The following TMEM132B variants were observed in gnomAD, a reference collection of about 807,000 sequenced individuals.
The protein encoded by TMEM132B is transmembrane protein 132B.
In TMEM132B, 18 loss-of-function variants were observed where a neutral mutation model predicts 90.8. The observed-to-expected ratio is 0.20, with a 90% confidence interval of 0.14 to 0.29. TMEM132B has a LOEUF of 0.29. TMEM132B is among the 10% of genes least tolerant of loss of function. The pLI, the probability that TMEM132B is intolerant of heterozygous loss-of-function variation, is 1.00. For missense variants in TMEM132B, 1,096 were observed against 1,326.8 expected (o/e 0.83, Z 2.70); for synonymous variants, 504 against 523.3 (o/e 0.96, Z 0.50).
Position 125,594,798 on chromosome 12 carries a change from C to T in TMEM132B, c.1437+10804C>T, listed in dbSNP as rs552057287. Reference sequence around the variant, plus strand: ...TTATCCAATATGTGATTTGAAAATACGTTATATTTGAAAATATGTTATTCC... The same window carrying T: ...TTATCCAATATGTGATTTGAAAATATGTTATATTTGAAAATATGTTATTCC... On this transcript the variant is annotated intron_variant, in intron 5 of 8. Coordinates refer to ENST00000682704, the MANE Select transcript of TMEM132B (RefSeq NM_001366854.1). 1.8e-4 allele frequency among the ~76,000 whole-genome samples: 28 copies of T among 151,938 alleles called. No homozygotes were observed. In the East Asian group the frequency reaches 4.3e-3, roughly 23 times the overall value.
chr12:125,497,008 A>C (rs1241454727), intron 3 of TMEM132B, among the ~76,000 whole-genome samples: 1 of 152,158 alleles, frequency 6.6e-6, no homozygotes, highest in Non-Finnish European at 1.5e-5. Context: ...ATGGTTGATG[A>C]AATGCACTGA....
rs953759637 is a variant in TMEM132B, at chr12:125,654,556, C to T, written c.3098C>T (p.Ser1033Phe). The change falls in exon 9 of 9, where the codon TCC (serine) becomes TTC (phenylalanine). Residue 1033 changes from serine to phenylalanine, a missense_variant. Transcript: ENST00000682704. This position sits in a 1 kb window ranked among gnomAD's most constrained non-coding sequence, Gnocchi z 5.8. ...GPKRKRVKFT[S>F]YTTILPEDGG... The stretch of plus-strand genomic sequence containing the variant: ...AAGAGGAAGAGAGTCAAGTTCACTT[C>T]CTACACCACCATCCTCCCAGAGGAC... The T allele has an allele frequency of 1.9e-6, 3 of 1,614,162 alleles. No individual in the cohort carries two copies. Among genetic ancestry groups the T allele is most frequent in the Non-Finnish European group, 1.7e-6 (2 of 1,180,034 alleles).
chr12:125,468,799 A>G (rs757141234), intron 3 of TMEM132B, among the ~76,000 whole-genome samples: 3 of 152,194 alleles, frequency 2.0e-5, no homozygotes, highest in Admixed American at 1.3e-4. Context: ...TTTTCTGCAT[A>G]CAATCCTCTA....
At chr12:125,222,054 T>G (rs922224274) in intron 1 of TMEM132B, among the ~76,000 whole-genome samples, 2 of 152,148 alleles carry the variant, frequency 1.3e-5, no homozygotes, top group Non-Finnish European at 2.9e-5. Flanking sequence ...TGTAAAATCT[T>G]CCCTTTGAGC....
At chr12:125,479,349 G>A (rs1274311956) in intron 3 of TMEM132B, among the ~76,000 whole-genome samples, 1 of 152,218 alleles carries the variant, frequency 6.6e-6, no homozygotes, top group Non-Finnish European at 1.5e-5. Flanking sequence ...CCATTAGTGT[G>A]CTGTATTTAG....
intron 1 of TMEM132B, among the ~76,000 whole-genome samples, chr12:125,243,301 G>A (rs544096345): frequency 3.4e-5 from 5 of 147,786 alleles, no homozygotes; most frequent in African/African-American, 1.2e-4. Context: ...CGCCACCATG[G>A]CTGGCTAATT....
chr12:125,266,183 C>G (rs567369248), intron 1 of TMEM132B, among the ~76,000 whole-genome samples: 3 of 152,096 alleles, frequency 2.0e-5, no homozygotes. Context: ...GAGCTGAGAT[C>G]GCGCCACTGC....
At chr12:125,217,250 A>T (rs1368420601) in intron 1 of TMEM132B, among the ~76,000 whole-genome samples, 1 of 152,156 alleles carries the variant, frequency 6.6e-6, no homozygotes. Flanking sequence ...AGTGGCAGCT[A>T]GGCAGGAGGG....
chr12:125,601,536 A>G (rs1028764095), intron 5 of TMEM132B, among the ~76,000 whole-genome samples: 1 of 152,204 alleles, frequency 6.6e-6, no homozygotes, highest in Non-Finnish European at 1.5e-5. Context: ...TCAACACCCT[A>G]ACATCACACT....
At chr12:125,530,920 T>C (rs1883627289) in intron 4 of TMEM132B, among the ~76,000 whole-genome samples, 1 of 152,246 alleles carries the variant, frequency 6.6e-6, no homozygotes, top group Non-Finnish European at 1.5e-5. Flanking sequence ...TAGCTCACTA[T>C]AGGTATAAGA....
At chr12:125,517,786 C>G (rs1165190224) in intron 3 of TMEM132B, among the ~76,000 whole-genome samples, 1 of 152,086 alleles carries the variant, frequency 6.6e-6, no homozygotes, top group African/African-American at 2.4e-5. Context: ...ATTTTTCAGA[C>G]AAGGAAGCTG....
At chr12:125,527,116 A>T (rs1226185143) in intron 4 of TMEM132B, among the ~76,000 whole-genome samples, 1 of 130,256 alleles carries the variant, frequency 7.7e-6, no homozygotes, top group Non-Finnish European at 1.6e-5. Context: ...CCACCCATCC[A>T]CACTTCCATC....
In TMEM132B at chr12:125,246,149, G is replaced by A. The variant is rs577022523; in HGVS notation, c.67+59283G>A. 1.3e-5 allele frequency among the ~76,000 whole-genome samples: 2 copies of A among 152,306 alleles called. No homozygotes were observed. Among genetic ancestry groups the A allele is most frequent in the African/African-American group, 2.4e-5 (1 of 41,580 alleles). ...GATCCAGTGATCCTGCTGGCTTTCC[G>A]CTTCATGACAGTGATAGCTCTCAGT... On this transcript the variant is annotated intron_variant, in intron 1 of 8. Coordinates refer to ENST00000682704, the MANE Select transcript of TMEM132B (RefSeq NM_001366854.1). This position sits in a 1 kb window ranked among gnomAD's most constrained non-coding sequence, Gnocchi z 4.2.
chr12:125,519,388 T>C (rs964998), intron 3 of TMEM132B, 51 bp from the exon 4 acceptor site: 1,107,911 of 1,512,064 alleles, frequency 0.73, 409,273 homozygotes, highest in East Asian at 0.93. Context: ...TCTTGACATT[T>C]TGCTGAGTCT....
At chr12:125,238,706 G>A (rs764730209) in intron 1 of TMEM132B, among the ~76,000 whole-genome samples, 6 of 152,030 alleles carry the variant, frequency 3.9e-5, no homozygotes, top group East Asian at 1.9e-4. Flanking sequence ...GGTCAGCACC[G>A]ACGTTTCACC....
chr12:125,278,434 T>C (rs10846855), intron 1 of TMEM132B, among the ~76,000 whole-genome samples: 23,823 of 151,618 alleles, frequency 0.16, 2,398 homozygotes, highest in African/African-American at 0.28. Flanking sequence ...AATTTAACTG[T>C]CAATCAAGGT....
chr12:125,642,870 A>C lies in TMEM132B; in HGVS notation c.1438-1206A>C, dbSNP rs577547417. The stretch of plus-strand genomic sequence containing the variant: ...CTCCTTGGTTTCCATGTCAAGCTAC[A>C]GTGTAGAGCTGTTGGGTGGCAAAAG... On this transcript the variant is annotated intron_variant, in intron 5 of 8. Transcript: ENST00000682704. 2.6e-5 allele frequency among the ~76,000 whole-genome samples: 4 copies of C among 152,320 alleles called. No homozygotes were observed. The East Asian group carries it at 7.7e-4, about 29-fold the overall frequency.
chr12:125,548,284 T>C (rs1166480151), intron 4 of TMEM132B, among the ~76,000 whole-genome samples: 1 of 152,162 alleles, frequency 6.6e-6, no homozygotes, highest in Non-Finnish European at 1.5e-5. Flanking sequence ...TCCCAAGCCA[T>C]TGGAGGGTCA....
At chr12:125,500,909 G>A (rs1219577730) in intron 3 of TMEM132B, among the ~76,000 whole-genome samples, 1 of 152,204 alleles carries the variant, frequency 6.6e-6, no homozygotes, top group Non-Finnish European at 1.5e-5. Flanking sequence ...TGATGTACAA[G>A]TAGAGAGAGA....
Sources: gnomAD v4.1 joint callset for allele counts (sites outside exome capture counted in the v4.1 genomes callset) on GRCh38, gnomAD v4.1.1 for gene constraint, Gnocchi (gnomAD v3.1) non-coding constraint, MANE v1.5 for transcripts, NCBI Gene and HGNC (gene_info 2026-07-23, HGNC 2026-07-21) for gene names.